TLN2: variants seen among roughly 807,000 people sequenced by gnomAD.
The protein encoded by TLN2 is talin-2.
In TLN2, 118 loss-of-function variants were observed where a neutral mutation model predicts 294.7. That is an observed-to-expected ratio of 0.40 (90% CI 0.34 to 0.47). TLN2 has a LOEUF of 0.47. TLN2 is among the 20% of genes least tolerant of loss of function. The pLI is 0.84. For missense variants in TLN2, 3,083 were observed against 3,282.2 expected (o/e 0.94, Z 1.48); for synonymous variants, 1,431 against 1,304.5 (o/e 1.10, Z -2.09).
chr15:62,595,263 T>TA (rs2046392425), intron 2 of TLN2, among the ~76,000 whole-genome samples: 1 of 151,504 alleles, frequency 6.6e-6, no homozygotes, highest in African/African-American at 2.4e-5. Flanking sequence ...CTACTGAAAA[T>TA]ACAAAAATTA....
At position 62,792,752 on chromosome 15, in the gene TLN2, G is replaced by C; in HGVS notation, c.5848G>C (p.Glu1950Gln). 1 of 1,614,058 alleles carries C rather than the reference G, an allele frequency of 6.2e-7. No homozygotes were observed. Among genetic ancestry groups the C allele is most frequent in the Non-Finnish European group, 8.5e-7 (1 of 1,180,046 alleles). Residue 1950 changes from glutamate (E) to glutamine (Q), a missense_variant, in exon 46 of 59, where the codon GAG becomes CAG. Physicochemically the swap from Glu to Gln is conservative, Grantham distance 29. Transcript: ENST00000636159. ...VCPTDSYTKR[E>Q]LIECARAVTE... ...CCCCACAGACAGCTACACCAAGAGG[G>C]AGCTGATCGAATGCGCCCGTGCCGT...
chr15:62,758,670 T>C (rs1049401295), intron 37 of TLN2: 3 of 152,262 alleles, frequency 2.0e-5, no homozygotes, highest in African/African-American at 7.2e-5. Context: ...GTGAGTATGC[T>C]TTCTTGGTCA....
intron 1 of TLN2, among the ~76,000 whole-genome samples, chr15:62,545,512 CTT>C (rs1491228748): frequency 8.4e-6 from 1 of 118,944 alleles, no homozygotes; most frequent in African/African-American, 3.8e-5. Context: ...CTTTCTTTCT[CTT>C]TGTGTGTGTG....
chr15:62,624,566 G>T (rs2049108753), intron 3 of TLN2, among the ~76,000 whole-genome samples: 1 of 152,216 alleles, frequency 6.6e-6, no homozygotes, highest in Non-Finnish European at 1.5e-5. Flanking sequence ...GTGCAGATAG[G>T]AAAGAAAATA....
Position 62,766,374 on chromosome 15 carries a change from T to A in TLN2, c.5148T>A (p.Asp1716Glu). Residue 1716 changes from aspartate (D) to glutamate (E), a missense_variant, in exon 41 of 59, where the codon GAT becomes GAA. Asp to Glu is a conservative substitution (Grantham distance 45). Coordinates refer to ENST00000636159, the MANE Select transcript of TLN2 (RefSeq NM_015059.3). ...SVVQEIGHLIDPIATAARGEA... is the reference protein window; with the variant it reads ...SVVQEIGHLIEPIATAARGEA... ...TCCAGGAAATCGGACACCTTATCGATCCCATCGCCACAGCGGCTCGGGGAG... is the reference window on the plus strand; with the variant it reads ...TCCAGGAAATCGGACACCTTATCGAACCCATCGCCACAGCGGCTCGGGGAG... 1 of 1,613,092 alleles carries A rather than the reference T, an allele frequency of 6.2e-7. No homozygotes were observed. The highest frequency in any genetic ancestry group is 2.2e-5 in the East Asian group (1 of 44,842).
At chr15:62,785,595 T>C (rs1200192676) in intron 45 of TLN2, among the ~76,000 whole-genome samples, 1 of 138,170 alleles carries the variant, frequency 7.2e-6, no homozygotes, top group Non-Finnish European at 1.5e-5. Flanking sequence ...GAGGTTGCAG[T>C]GAGCCAAGAC....
chr15:62,499,014 C>G (rs1472342500), intron 1 of TLN2, among the ~76,000 whole-genome samples: 5 of 152,098 alleles, frequency 3.3e-5, no homozygotes, highest in African/African-American at 1.2e-4. Flanking sequence ...TGCCACTGTA[C>G]TTCTTAATGA....
chr15:62,702,855 G>C lies in TLN2; in HGVS notation c.1995G>C (p.Glu665Asp). ...LRQIGENETD[E>D]RFQDVLMSLA... The stretch of plus-strand genomic sequence containing the variant: ...AGATTGGAGAGAATGAGACTGATGA[G>C]CGATTCCAGGTAAGATATTTGCAGG... Residue 665 changes from glutamate to aspartate, a missense_variant, in exon 19 of 59, where the codon GAG becomes GAC. Transcript: ENST00000636159. 6.2e-7 allele frequency: 1 copy of C among 1,614,128 alleles called. No homozygotes were observed.
At chr15:62,469,358 C>G (rs903711065) in intron 1 of TLN2, among the ~76,000 whole-genome samples, 1 of 152,208 alleles carries the variant, frequency 6.6e-6, no homozygotes, top group African/African-American at 2.4e-5. Flanking sequence ...GTGAGTTGAT[C>G]TGTCTCAAAA....
intron 1 of TLN2, among the ~76,000 whole-genome samples, chr15:62,490,865 C>G (rs2038667340): frequency 1.3e-5 from 2 of 152,078 alleles, no homozygotes; most frequent in South Asian, 2.1e-4. Context: ...TAACACTGAA[C>G]CCCCCAAATC....
chr15:62,766,217 C>A, intron 40 of TLN2, 104 bp from the exon 41 acceptor site: 1 of 953,510 alleles, frequency 1.0e-6, no homozygotes, highest in Non-Finnish European at 1.6e-6. Context: ...ATTCTAATGT[C>A]TGCTTTGTGT....
chr15:62,681,114 T>C (rs2056792091), intron 11 of TLN2, among the ~76,000 whole-genome samples: 1 of 152,184 alleles, frequency 6.6e-6, no homozygotes, highest in African/African-American at 2.4e-5. Flanking sequence ...GATTGCTGGA[T>C]CAAATGGTAG....
chr15:62,800,530 T>C, intron 49 of TLN2, 37 bp downstream of exon 49: 1 of 1,612,248 alleles, frequency 6.2e-7, no homozygotes, highest in South Asian at 1.1e-5. Context: ...AGCACCTGAG[T>C]TCTCTTCTCA....
rs77394350 is a variant in TLN2, at chr15:62,662,577, A to G, written c.788+4679A>G. Reference sequence around the variant, plus strand: ...AAATAGTGTTTCTTTAAAGGAGGCAAAATTCATTTATTTAACAAATAATTT... The same window carrying G: ...AAATAGTGTTTCTTTAAAGGAGGCAGAATTCATTTATTTAACAAATAATTT... On this transcript the variant is annotated intron_variant, in intron 9 of 58. Coordinates refer to ENST00000636159, the MANE Select transcript of TLN2 (RefSeq NM_015059.3). Among the ~76,000 whole-genome samples, 684 of 152,308 alleles carry G rather than the reference A, an allele frequency of 4.5e-3. 8 individuals carry two copies. Among genetic ancestry groups the G allele is most frequent in the African/African-American group, 0.016 (666 of 41,566 alleles).
intron 1 of TLN2, among the ~76,000 whole-genome samples, chr15:62,479,572 G>A (rs1175805485): frequency 1.3e-5 from 2 of 152,168 alleles, no homozygotes; most frequent in Non-Finnish European, 2.9e-5. Context: ...CGCCTCCTGG[G>A]TTCAAGCAAT....
At chr15:62,701,632 C>G (rs950168534) in intron 17 of TLN2, among the ~76,000 whole-genome samples, 1 of 152,206 alleles carries the variant, frequency 6.6e-6, no homozygotes, top group African/African-American at 2.4e-5. Context: ...CAGCCTTTCA[C>G]TGTCAGAGGA....
At chr15:62,694,226 C>T in intron 13 of TLN2, 90 bp from the exon 14 acceptor site, 1 of 1,175,820 alleles carries the variant, frequency 8.5e-7, no homozygotes, top group South Asian at 1.3e-5. Context: ...ATCCGCCCGT[C>T]TCAGCCTCCC....
rs1279356335 is a variant in TLN2 at position 62,815,219 on chromosome 15, ACACACACACACACT to A, written c.6772-4293_6772-4280del. ...CACACACACACACACACACACACACACACACACACACACTCACTCGCTCTGCCCTTCACTCTGTT... is the reference window on the plus strand; with the variant it reads ...CACACACACACACACACACACACACACACTCGCTCTGCCCTTCACTCTGTT... On this transcript the variant is annotated intron_variant, in intron 52 of 58. Transcript: ENST00000636159. Among the ~76,000 whole-genome samples the A allele has an allele frequency of 2.8e-3, 412 of 149,142 alleles. 2 individuals carry two copies. The highest frequency in any genetic ancestry group is 9.1e-3 in the African/African-American group (361 of 39,802).
intron 1 of TLN2, among the ~76,000 whole-genome samples, chr15:62,511,387 C>T (rs532004379): frequency 5.9e-5 from 9 of 152,326 alleles, no homozygotes; most frequent in Admixed American, 3.9e-4. Context: ...CCACTGTAGT[C>T]TTGTGAAAAT....
Sources: allele counts gnomAD v4.1 joint callset (sites outside exome capture counted in the v4.1 genomes callset), GRCh38; gene constraint gnomAD v4.1.1; transcripts MANE v1.5; gene names NCBI Gene and HGNC (gene_info 2026-07-23, HGNC 2026-07-21).